NEGR1: variants seen among roughly 807,000 people sequenced by gnomAD.
NEGR1 encodes IgLON family member 4.
Under a neutral mutation model 40.9 loss-of-function variants are expected in NEGR1, and 10 were observed. The ratio of observed to expected loss-of-function variants is 0.24; its 90% confidence interval spans 0.15 to 0.42. The LOEUF (loss-of-function observed/expected upper bound fraction) is 0.42, where lower values mean the gene tolerates loss of function less well. Among genes scored for constraint, NEGR1 ranks in the 10% least tolerant of loss-of-function variants. NEGR1 has a pLI of 1.00. For synonymous variants in NEGR1, 185 were observed against 166.8 expected, an observed-to-expected ratio of 1.11 and a Z score of -0.84; for missense variants, 352 against 438.9, an observed-to-expected ratio of 0.80 and a Z score of 1.77.
chr1:71,962,774 T>C (rs1031356436), intron 1 of NEGR1, among the ~76,000 whole-genome samples: 1 of 151,880 alleles, frequency 6.6e-6, no homozygotes, highest in East Asian at 1.9e-4. Flanking sequence ...CTCCAAGTTT[T>C]TTTTTTTTTC....
At chr1:71,689,094 A>G (rs749005358) in intron 4 of NEGR1, among the ~76,000 whole-genome samples, 1 of 152,182 alleles carries the variant, frequency 6.6e-6, no homozygotes, top group Non-Finnish European at 1.5e-5. Flanking sequence ...TTATTACTGT[A>G]CTTATTCTTC....
intron 1 of NEGR1, among the ~76,000 whole-genome samples, chr1:72,216,622 A>G (rs1159381933): frequency 6.6e-6 from 1 of 151,046 alleles, no homozygotes; most frequent in Admixed American, 6.6e-5. Context: ...TGAAAACATA[A>G]AGTTAAAATA....
intron 4 of NEGR1, among the ~76,000 whole-genome samples, chr1:71,685,329 T>TTC (rs536724170): frequency 9.4e-4 from 143 of 151,598 alleles, no homozygotes; most frequent in Non-Finnish European, 1.6e-3. Context: ...ATTACTTTTT[T>TTC]TTTTTTTTTT....
intron 1 of NEGR1, among the ~76,000 whole-genome samples, chr1:72,001,627 G>T (rs1646558000): frequency 6.7e-6 from 1 of 149,362 alleles, no homozygotes; most frequent in African/African-American, 2.5e-5. Context: ...CAAAATAAAT[G>T]ATAGATGGGC....
chr1:71,599,591 C>T (rs1557582374), intron 5 of NEGR1, among the ~76,000 whole-genome samples: 1 of 152,096 alleles, frequency 6.6e-6, no homozygotes. Flanking sequence ...TTCCTAGGAA[C>T]AGGTTGAAGA....
chr1:71,407,228 A>G lies in NEGR1; in HGVS notation c.*218T>C, dbSNP rs1465087688. On this transcript the variant is annotated 3_prime_UTR_variant, in exon 7 of 7. Coordinates refer to ENST00000357731, the MANE Select transcript of NEGR1 (RefSeq NM_173808.3). ...GTAATTTCAGAGCTTTCACGTCTTA[A>G]AAAAAGGACAATGTGTACTGCTTCA... 2.2e-5 allele frequency: 8 copies of G among 372,026 alleles called. No homozygotes were observed. The highest frequency in any genetic ancestry group is 1.4e-4 in the South Asian group (2 of 14,812). The allele number at this position is 372,026 out of a possible 1,614,324, so 23.0% of individuals were successfully genotyped here. A position where few individuals can be genotyped will look rare whatever the true frequency, so the allele number is the denominator to read the frequency against.
At chr1:72,038,420 A>G (rs1232583649) in intron 1 of NEGR1, among the ~76,000 whole-genome samples, 1 of 152,034 alleles carries the variant, frequency 6.6e-6, no homozygotes. Flanking sequence ...TGATGTTTCA[A>G]TAAAAAGTAG....
At chr1:71,552,269 T>C (rs987181331) in intron 6 of NEGR1, among the ~76,000 whole-genome samples, 2 of 150,950 alleles carry the variant, frequency 1.3e-5, no homozygotes, top group Non-Finnish European at 3.0e-5. Context: ...TGTTTTCCTT[T>C]AGTAATTTTT....
At chr1:71,457,756 A>T (rs1169165229) in intron 6 of NEGR1, among the ~76,000 whole-genome samples, 1 of 151,962 alleles carries the variant, frequency 6.6e-6, no homozygotes, top group African/African-American at 2.4e-5. Context: ...CCCAGGCTGG[A>T]GTGCAGTGGA....
chr1:71,711,032 AG>A, intron 3 of NEGR1, among the ~76,000 whole-genome samples: 1 of 152,176 alleles, frequency 6.6e-6, no homozygotes. Flanking sequence ...CCACAAAAAA[AG>A]TTAAAAAAAT....
intron 1 of NEGR1, among the ~76,000 whole-genome samples, chr1:72,037,026 G>A (rs1646909705): frequency 6.6e-6 from 1 of 151,986 alleles, no homozygotes; most frequent in South Asian, 2.1e-4. Context: ...TCTATTTGAT[G>A]GAACAAAGTT....
intron 6 of NEGR1, among the ~76,000 whole-genome samples, chr1:71,454,408 T>C (rs1271113791): frequency 6.6e-6 from 1 of 152,172 alleles, no homozygotes; most frequent in African/African-American, 2.4e-5. Context: ...ATCTCCCACA[T>C]AGATACTTAT....
chr1:71,935,292 C>G lies in NEGR1; in HGVS notation c.196G>C (p.Ala66Pro), dbSNP rs371109100. 6.2e-7 allele frequency: 1 copy of G among 1,612,752 alleles called. No individual in the cohort carries two copies. The highest frequency in any genetic ancestry group is 1.1e-5 in the South Asian group (1 of 91,046). Reference sequence around the variant, plus strand: ...CGGTTCAGCCAGGCACCCTTTGAAGCTCCATCTTCCAAATAACACCTACAA... The same window carrying G: ...CGGTTCAGCCAGGCACCCTTTGAAGGTCCATCTTCCAAATAACACCTACAA... The part of the protein sequence containing the change: ...AVLRCYLEDG[A>P]SKGAWLNRSS... The change falls in exon 2 of 7, where the codon GCT (alanine) becomes CCT (proline). Residue 66 changes from alanine to proline, a missense_variant. Physicochemically the swap from Ala to Pro is conservative, Grantham distance 27. Coordinates refer to ENST00000357731, the MANE Select transcript of NEGR1 (RefSeq NM_173808.3).
chr1:71,646,423 T>C (rs1254889940), intron 4 of NEGR1, among the ~76,000 whole-genome samples: 1 of 151,802 alleles, frequency 6.6e-6, no homozygotes, highest in Middle Eastern at 3.2e-3. Context: ...TGAACCCTTG[T>C]TACTTAGGAA....
chr1:71,887,223 G>C (rs984864353), intron 2 of NEGR1, among the ~76,000 whole-genome samples: 3 of 152,140 alleles, frequency 2.0e-5, no homozygotes, highest in Non-Finnish European at 4.4e-5. Flanking sequence ...TCATCTTGAC[G>C]TTGAGTAGGC....
At position 71,612,652 on chromosome 1, in the gene NEGR1, G is replaced by A. The variant is rs143627863; in HGVS notation, c.668-1506C>T. On this transcript the variant is annotated intron_variant, in intron 4 of 6. Coordinates refer to ENST00000357731, the MANE Select transcript of NEGR1 (RefSeq NM_173808.3). ...TATAGTTGCAAGGTAAGAGGAATCA[G>A]AGAATGGAATGGAATACTATTTTCG... Among the ~76,000 whole-genome samples the A allele has an allele frequency of 4.6e-3, 703 of 152,292 alleles. 3 individuals are homozygous for A. Among genetic ancestry groups the A allele is most frequent in the African/African-American group, 0.015 (623 of 41,556 alleles).
chr1:72,110,554 T>G (rs923245138), intron 1 of NEGR1, among the ~76,000 whole-genome samples: 1 of 151,616 alleles, frequency 6.6e-6, no homozygotes, highest in Non-Finnish European at 1.5e-5. Flanking sequence ...GAATTATTAT[T>G]TTTAAAAACT....
intron 6 of NEGR1, among the ~76,000 whole-genome samples, chr1:71,425,510 A>G (rs1427744903): frequency 6.6e-6 from 1 of 152,180 alleles, no homozygotes; most frequent in Non-Finnish European, 1.5e-5. Context: ...GGAAGGAAAT[A>G]ATCATCATCC....
At chr1:72,005,173 G>A (rs1192553169) in intron 1 of NEGR1, among the ~76,000 whole-genome samples, 1 of 151,968 alleles carries the variant, frequency 6.6e-6, no homozygotes, top group Non-Finnish European at 1.5e-5. Flanking sequence ...CCTAAGCTCT[G>A]TTTATTATGT....
Sources: allele counts gnomAD v4.1 joint callset (sites outside exome capture counted in the v4.1 genomes callset), GRCh38; gene constraint gnomAD v4.1.1; transcripts MANE v1.5; gene names NCBI Gene and HGNC (gene_info 2026-07-23, HGNC 2026-07-21).